Variants in SYT16 observed in about 807,000 individuals in gnomAD.
SYT16 encodes the protein synaptotagmin 16.
In SYT16, 42 loss-of-function variants were observed where a neutral mutation model predicts 61.4. That is an observed-to-expected ratio of 0.68 (90% CI 0.53 to 0.89). The LOEUF is 0.89. SYT16 is among the 40% of genes least tolerant of loss of function. The pLI, the probability that SYT16 is intolerant of heterozygous loss-of-function variation, is 0.00. For missense variants in SYT16, 804 were observed against 807.3 expected, an observed-to-expected ratio of 1.00 and a Z score of 0.05; for synonymous variants, 314 against 302.3, an observed-to-expected ratio of 1.04 and a Z score of -0.40.
intron 3 of SYT16, among the ~76,000 whole-genome samples, chr14:62,050,242 C>T (rs2055209786): frequency 6.6e-6 from 1 of 152,048 alleles, no homozygotes; most frequent in Admixed American, 6.6e-5. Context: ...TTGCTGATAC[C>T]CTTTCTTCCA....
At chr14:61,996,933 G>A (rs1018613536) in intron 3 of SYT16, among the ~76,000 whole-genome samples, 4 of 152,022 alleles carry the variant, frequency 2.6e-5, no homozygotes, top group East Asian at 1.9e-4. Flanking sequence ...GCAAAAAGCC[G>A]TACTTATCGC....
At chr14:61,956,150 G>A (rs1284412274) in intron 1 of SYT16, among the ~76,000 whole-genome samples, 8 of 151,468 alleles carry the variant, frequency 5.3e-5, no homozygotes, top group Non-Finnish European at 7.4e-5. Context: ...TGGGTTATTT[G>A]GTATGTTTGC....
intron 3 of SYT16, among the ~76,000 whole-genome samples, chr14:62,065,031 C>A (rs2056000094): frequency 6.6e-6 from 1 of 152,086 alleles, no homozygotes; most frequent in Non-Finnish European, 1.5e-5. Flanking sequence ...GTTTATAATC[C>A]CACAAGGAAC....
intron 3 of SYT16, among the ~76,000 whole-genome samples, chr14:62,049,047 C>T (rs1017181306): frequency 6.6e-6 from 1 of 152,040 alleles, no homozygotes; most frequent in African/African-American, 2.4e-5. Flanking sequence ...ATTTCTGTCT[C>T]GTTGATCTGT....
At chr14:61,863,099 G>C (rs1265998857) in intron 1 of SYT16, among the ~76,000 whole-genome samples, 1 of 152,182 alleles carries the variant, frequency 6.6e-6, no homozygotes, top group Non-Finnish European at 1.5e-5. Flanking sequence ...GCAGTTTTTT[G>C]TGTGGACATA....
chr14:62,093,575 G>A (rs1342017358), intron 7 of SYT16, among the ~76,000 whole-genome samples: 3 of 152,060 alleles, frequency 2.0e-5, no homozygotes, highest in African/African-American at 7.2e-5. Flanking sequence ...AATGACCAAT[G>A]AATTGGGCTT....
At chr14:61,959,409 T>A (rs997002268) in intron 1 of SYT16, among the ~76,000 whole-genome samples, 2 of 152,174 alleles carry the variant, frequency 1.3e-5, no homozygotes, top group Non-Finnish European at 2.9e-5. Context: ...TTTTTTTATC[T>A]TGTGTGCATC....
intron 1 of SYT16, among the ~76,000 whole-genome samples, chr14:61,837,100 A>G (rs2046153769): frequency 6.6e-6 from 1 of 152,104 alleles, no homozygotes. Flanking sequence ...TGAAGACAGG[A>G]CTTTGAGATT....
At chr14:61,920,114 C>CT (rs1555357175) in intron 1 of SYT16, among the ~76,000 whole-genome samples, 2 of 152,140 alleles carry the variant, frequency 1.3e-5, no homozygotes, top group Non-Finnish European at 2.9e-5. Context: ...GATGCTGGTC[C>CT]TTTGGCCTCT....
chr14:61,857,425 A>T (rs1477161072), intron 1 of SYT16, among the ~76,000 whole-genome samples: 6 of 152,208 alleles, frequency 3.9e-5, no homozygotes, highest in African/African-American at 1.4e-4. Context: ...GGCCCAGGGA[A>T]CATGACATGT....
chr14:61,948,401 C>T (rs2050533878), intron 1 of SYT16, among the ~76,000 whole-genome samples: 1 of 150,092 alleles, frequency 6.7e-6, no homozygotes, highest in African/African-American at 2.5e-5. Flanking sequence ...TTGGGCTAGG[C>T]TTTTAAAAAA....
chr14:62,040,394 G>T (rs1288727711), intron 3 of SYT16, among the ~76,000 whole-genome samples: 1 of 152,136 alleles, frequency 6.6e-6, no homozygotes, highest in African/African-American at 2.4e-5. Context: ...TCAAAAAGAG[G>T]TTTAAATAAT....
At chr14:61,824,245 G>C (rs1372148680) in intron 1 of SYT16, among the ~76,000 whole-genome samples, 3 of 151,966 alleles carry the variant, frequency 2.0e-5, no homozygotes, top group Non-Finnish European at 4.4e-5. Flanking sequence ...TCTTATTCTA[G>C]TCTATATTCT....
At chr14:61,985,173 TGAA>T (rs1369109617) in intron 2 of SYT16, among the ~76,000 whole-genome samples, 1 of 152,144 alleles carries the variant, frequency 6.6e-6, no homozygotes, top group Non-Finnish European at 1.5e-5. Flanking sequence ...TAACCACTAA[TGAA>T]GAAGATAAAA....
intron 1 of SYT16, among the ~76,000 whole-genome samples, chr14:61,870,206 A>C (rs939819231): frequency 4.6e-5 from 7 of 152,102 alleles, no homozygotes; most frequent in Admixed American, 1.3e-4. Flanking sequence ...AAAAGTATTT[A>C]CTTTCATTTT....
chr14:62,067,824 C>T (rs560630193), intron 3 of SYT16, among the ~76,000 whole-genome samples: 2 of 140,908 alleles, frequency 1.4e-5, no homozygotes, highest in Non-Finnish European at 3.0e-5. Flanking sequence ...AACAAACAAA[C>T]AAATAAATAA....
intron 1 of SYT16, among the ~76,000 whole-genome samples, chr14:61,962,690 CTT>C (rs913569936): frequency 6.6e-6 from 1 of 151,948 alleles, no homozygotes; most frequent in African/African-American, 2.4e-5. Flanking sequence ...TTTCTTTACT[CTT>C]TTCATTCTTT....
intron 1 of SYT16, among the ~76,000 whole-genome samples, chr14:61,872,429 A>G (rs921189798): frequency 1.3e-5 from 2 of 152,144 alleles, no homozygotes; most frequent in Non-Finnish European, 1.5e-5. Context: ...CTCCCTTAAT[A>G]TACCATCATA....
In SYT16 at chr14:62,106,101, G is replaced by A. The variant is rs1255009871; in HGVS notation, c.*5394G>A. ...ATTTCAGAGCATCCCTCTAAATCAA[G>A]TCTGGAGAATTATGTGAAGGTTGTT... is the stretch of plus-strand genomic sequence containing the variant. On this transcript the variant is annotated 3_prime_UTR_variant, in exon 8 of 8. Coordinates refer to ENST00000683842, the MANE Select transcript of SYT16 (RefSeq NM_001367656.1). 4 of 152,154 alleles carry A rather than the reference G, an allele frequency of 2.6e-5. No individual in the cohort carries two copies. Among genetic ancestry groups the A allele is most frequent in the African/African-American group, 9.7e-5 (4 of 41,428 alleles). The allele number at this position is 152,154 out of a possible 1,614,324, so 9.4% of individuals were successfully genotyped here.
Sources: allele counts gnomAD v4.1 joint callset (sites outside exome capture counted in the v4.1 genomes callset), GRCh38; gene constraint gnomAD v4.1.1; transcripts MANE v1.5; gene names NCBI Gene and HGNC (gene_info 2026-07-23, HGNC 2026-07-21).